Variants in CDH2 observed in about 807,000 individuals in gnomAD.
CDH2 encodes cadherin 2, also known as cadherin-2.
Under a neutral mutation model 92.0 loss-of-function variants are expected in CDH2, and 17 were observed. The ratio of observed to expected loss-of-function variants is 0.18; its 90% CI spans 0.13 to 0.28. The LOEUF (loss-of-function observed/expected upper bound fraction) is 0.28. CDH2 is among the 10% of genes least tolerant of loss of function. The pLI is 1.00. For synonymous variants in CDH2, 419 were observed against 415.9 expected (o/e 1.01, Z -0.09); for missense variants, 862 against 1,133.1 (o/e 0.76, Z 3.44).
chr18:28,060,955 TTTAC>T (rs1281200611), intron 2 of CDH2, among the ~76,000 whole-genome samples: 1 of 152,232 alleles, frequency 6.6e-6, no homozygotes, highest in Non-Finnish European at 1.5e-5. Context: ...AATTCATTTT[TTTAC>T]TTAATCATAC....
intron 2 of CDH2, among the ~76,000 whole-genome samples, chr18:28,095,166 G>T (rs1184757312): frequency 3.3e-5 from 5 of 152,052 alleles, no homozygotes; most frequent in African/African-American, 1.2e-4. Flanking sequence ...TTTTTCATAT[G>T]TATATGCTCC....
intron 2 of CDH2, among the ~76,000 whole-genome samples, chr18:28,124,642 G>A (rs1301441725): frequency 6.6e-6 from 1 of 152,118 alleles, no homozygotes; most frequent in Non-Finnish European, 1.5e-5. Context: ...TAAAAGAGAA[G>A]AAAACAATGA....
At chr18:28,170,298 T>G (rs1038074373) in intron 1 of CDH2, among the ~76,000 whole-genome samples, 1 of 152,228 alleles carries the variant, frequency 6.6e-6, no homozygotes, top group Admixed American at 6.5e-5. Context: ...TTAATCCTCA[T>G]TCAGAAGCCT....
At chr18:28,028,527 G>C (rs2013615915) in intron 2 of CDH2, among the ~76,000 whole-genome samples, 1 of 152,082 alleles carries the variant, frequency 6.6e-6, no homozygotes, top group Non-Finnish European at 1.5e-5. Context: ...TACAATTTAA[G>C]AAGTGCTTAT....
At chr18:28,173,036 G>A (rs2016487452) in intron 1 of CDH2, among the ~76,000 whole-genome samples, 1 of 152,014 alleles carries the variant, frequency 6.6e-6, no homozygotes, top group Admixed American at 6.6e-5. Context: ...AGAAAATTAA[G>A]GACAGTTTGG....
At chr18:27,947,083 A>G (rs1045977496), downstream of CDH2, among the ~76,000 whole-genome samples, 1 of 151,842 alleles carries the variant, frequency 6.6e-6, no homozygotes, top group Non-Finnish European at 1.5e-5. Flanking sequence ...GAAAAAAAAA[A>G]TACTATTCAT....
At chr18:27,940,796 T>C (rs899261379) in intron 6 of CDH2, among the ~76,000 whole-genome samples, 1 of 152,200 alleles carries the variant, frequency 6.6e-6, no homozygotes, top group Non-Finnish European at 1.5e-5. Flanking sequence ...TGTCACACCA[T>C]TTAATAATTT....
chr18:28,108,955 C>A (rs2015366590), intron 2 of CDH2, among the ~76,000 whole-genome samples: 1 of 152,128 alleles, frequency 6.6e-6, no homozygotes. Context: ...CATACCTCAA[C>A]AGGCTGTGTT....
chr18:28,054,867 A>C (rs1406564201), intron 2 of CDH2, among the ~76,000 whole-genome samples: 3 of 152,266 alleles, frequency 2.0e-5, no homozygotes, highest in Non-Finnish European at 4.4e-5. Context: ...TTCTTGGTGA[A>C]GAAAATGCAT....
chr18:28,071,758 T>C (rs886268504), intron 2 of CDH2, among the ~76,000 whole-genome samples: 2 of 152,174 alleles, frequency 1.3e-5, no homozygotes, highest in African/African-American at 4.8e-5. Flanking sequence ...TTCCTTGCAG[T>C]AGCTTGAGTA....
intron 11 of CDH2, among the ~76,000 whole-genome samples, chr18:27,986,273 T>C (rs1348543371): frequency 1.3e-5 from 2 of 152,150 alleles, no homozygotes; most frequent in Non-Finnish European, 2.9e-5. Flanking sequence ...GGAAGGAACA[T>C]CATGCAGAAG....
At chr18:28,132,668 C>T (rs966500198) in intron 2 of CDH2, among the ~76,000 whole-genome samples, 1 of 152,130 alleles carries the variant, frequency 6.6e-6, no homozygotes, top group Admixed American at 6.5e-5. Flanking sequence ...ATGGATGGCA[C>T]AGGAGCAGCA....
intron 1 of CDH2, among the ~76,000 whole-genome samples, chr18:28,151,861 C>G (rs1006860729): frequency 1.3e-5 from 2 of 152,286 alleles, no homozygotes; most frequent in Admixed American, 6.5e-5. Flanking sequence ...AGGATCTCTG[C>G]TGAAACTACT....
intron 2 of CDH2, among the ~76,000 whole-genome samples, chr18:28,102,787 C>T (rs976266000): frequency 2.6e-5 from 4 of 151,702 alleles, no homozygotes; most frequent in African/African-American, 9.7e-5. Context: ...GTTCAAAGTA[C>T]TTATCTGAGA....
At position 28,101,146 on chromosome 18, in the gene CDH2, C is replaced by T. The variant is rs184612658; in HGVS notation, c.172+46527G>A. ...TAAAATTTTACCTTTAACACAGATACTGCTAATGACTAGAATTGATGTTAA... is the reference window on the plus strand; with the variant it reads ...TAAAATTTTACCTTTAACACAGATATTGCTAATGACTAGAATTGATGTTAA... On this transcript the variant is annotated intron_variant, in intron 2 of 15. Transcript: ENST00000269141. Among the ~76,000 whole-genome samples, 400 of 152,276 alleles carry T rather than the reference C, an allele frequency of 2.6e-3. 4 individuals are homozygous for T. Among genetic ancestry groups the T allele is most frequent in the African/African-American group, 8.5e-3 (354 of 41,558 alleles).
At chr18:27,981,209 T>C (rs1341297354) in intron 14 of CDH2, among the ~76,000 whole-genome samples, 1 of 152,130 alleles carries the variant, frequency 6.6e-6, no homozygotes, top group African/African-American at 2.4e-5. Flanking sequence ...GGTTTATGCC[T>C]TTGTAAAGTA....
intron 1 of CDH2, among the ~76,000 whole-genome samples, chr18:28,156,075 T>C (rs1406107596): frequency 6.6e-6 from 1 of 152,238 alleles, no homozygotes; most frequent in Non-Finnish European, 1.5e-5. Context: ...TGATGTGCTC[T>C]AGACCAGCTT....
At chr18:27,942,250 A>C (rs1909156620) in intron 6 of CDH2, among the ~76,000 whole-genome samples, 1 of 152,216 alleles carries the variant, frequency 6.6e-6, no homozygotes, top group African/African-American at 2.4e-5. Context: ...ATAACCTGAA[A>C]CTTAAAAAGC....
Position 27,939,014 on chromosome 18 carries a change from T to G in CDH2, c.1152-5890A>C, listed in dbSNP as rs192906588. 3.5e-4 allele frequency among the ~76,000 whole-genome samples: 54 copies of G among 152,348 alleles called. 1 individual carries two copies. In the East Asian group the frequency reaches 8.9e-3, roughly 25 times the overall value. ...TTTATACAAAGTACCTATCTCTATC[T>G]GTCAGGAGAATGTTTGTGGGCCTTC... On this transcript the variant is annotated intron_variant, in intron 6 of 6. Transcript: ENST00000675173.
Sources: gnomAD v4.1 joint callset for allele counts (sites outside exome capture counted in the v4.1 genomes callset) on GRCh38, gnomAD v4.1.1 for gene constraint, MANE v1.5 for transcripts, NCBI Gene and HGNC (gene_info 2026-07-23, HGNC 2026-07-21) for gene names.